DPP10: variants seen among roughly 807,000 people sequenced by gnomAD.
DPP10 encodes the protein inactive dipeptidyl peptidase 10.
In DPP10, 33 loss-of-function variants were observed where a neutral mutation model predicts 120.9. The observed-to-expected ratio is 0.27, with a 90% CI of 0.21 to 0.37. The LOEUF (loss-of-function observed/expected upper bound fraction) is 0.37, where lower values mean the gene tolerates loss of function less well. Ranked by LOEUF, DPP10 falls within the 10% of genes least tolerant of loss-of-function variation. The pLI is 1.00. For missense variants in DPP10, 816 were observed against 942.8 expected, an observed-to-expected ratio of 0.87 and a Z score of 1.76; for synonymous variants, 337 against 326.1, an observed-to-expected ratio of 1.03 and a Z score of -0.36.
intron 3 of DPP10, among the ~76,000 whole-genome samples, chr2:115,410,701 A>G (rs1435726730): frequency 6.6e-6 from 1 of 152,182 alleles, no homozygotes; most frequent in African/African-American, 2.4e-5. Flanking sequence ...ATAAAAGACT[A>G]CACATTGGGT....
intron 2 of DPP10, among the ~76,000 whole-genome samples, chr2:115,312,359 A>G (rs1447743149): frequency 6.6e-6 from 1 of 152,164 alleles, no homozygotes; most frequent in Non-Finnish European, 1.5e-5. Context: ...ATGGCAGTGT[A>G]GTCGCATGGC....
At chr2:114,589,835 T>C (rs1472663926) in intron 1 of DPP10, among the ~76,000 whole-genome samples, 1 of 152,120 alleles carries the variant, frequency 6.6e-6, no homozygotes, top group African/African-American at 2.4e-5. Flanking sequence ...CTCCAACCTC[T>C]TGGTGGTTGC....
intron 1 of DPP10, among the ~76,000 whole-genome samples, chr2:114,654,173 T>C (rs1019079408): frequency 5.3e-5 from 8 of 152,212 alleles, no homozygotes; most frequent in Non-Finnish European, 1.2e-4. Flanking sequence ...CTTCTGTACA[T>C]ACGAGTAAAC....
intron 1 of DPP10, among the ~76,000 whole-genome samples, chr2:114,712,639 C>T (rs541275564): frequency 6.6e-6 from 1 of 152,096 alleles, no homozygotes; most frequent in African/African-American, 2.4e-5. Flanking sequence ...AAAATGTATC[C>T]ATCATTTTAT....
Position 114,703,202 on chromosome 2 carries a change from C to T in DPP10, c.60+260364C>T, listed in dbSNP as rs1022365322. ...TTATTGACATAGAGTTTTACATTAA[C>T]GAAGCATTCTTTTTCAAAAAAAATA... is the stretch of plus-strand genomic sequence containing the variant. On this transcript the variant is annotated intron_variant, in intron 1 of 25. Coordinates refer to ENST00000410059, the MANE Select transcript of DPP10 (RefSeq NM_020868.6). 8.5e-5 allele frequency among the ~76,000 whole-genome samples: 13 copies of T among 152,128 alleles called. No homozygotes were observed. The South Asian group carries it at 1.5e-3, about 17-fold the overall frequency.
chr2:114,722,639 G>A (rs559068823), intron 1 of DPP10, among the ~76,000 whole-genome samples: 177 of 151,992 alleles, frequency 1.2e-3, no homozygotes, highest in Non-Finnish European at 2.0e-3. Context: ...AGCCGGGCGT[G>A]GTGGCGGGAG....
intron 1 of DPP10, among the ~76,000 whole-genome samples, chr2:114,596,728 C>T (rs1691940004): frequency 6.6e-6 from 1 of 151,722 alleles, no homozygotes; most frequent in South Asian, 2.1e-4. Context: ...AATGATAAAA[C>T]TGAGGCAGAG....
chr2:115,284,805 C>T (rs538526139), intron 1 of DPP10, among the ~76,000 whole-genome samples: 9 of 152,030 alleles, frequency 5.9e-5, no homozygotes, highest in Non-Finnish European at 1.3e-4. Context: ...GTTTTCAGTC[C>T]TTGTCAGATG....
intron 1 of DPP10, among the ~76,000 whole-genome samples, chr2:114,519,928 C>T (rs574364031): frequency 2.8e-4 from 43 of 152,248 alleles, no homozygotes; most frequent in Non-Finnish European, 4.9e-4. Flanking sequence ...TCATGTATTG[C>T]GATGGGGTTG....
chr2:114,690,997 A>T (rs1422681249), intron 1 of DPP10, among the ~76,000 whole-genome samples: 3 of 152,042 alleles, frequency 2.0e-5, no homozygotes, highest in Non-Finnish European at 4.4e-5. Flanking sequence ...TAAATATAGG[A>T]TCATGTCATC....
intron 1 of DPP10, among the ~76,000 whole-genome samples, chr2:115,288,589 G>C (rs190158645): frequency 3.9e-4 from 59 of 151,950 alleles, no homozygotes; most frequent in Non-Finnish European, 6.3e-4. Flanking sequence ...GGCCTGGTTG[G>C]GGGGGAGCCT....
At chr2:115,345,277 G>A in intron 3 of DPP10, among the ~76,000 whole-genome samples, 1 of 152,036 alleles carries the variant, frequency 6.6e-6, no homozygotes, top group East Asian at 1.9e-4. Context: ...ATAAATTTGA[G>A]GCTAGTCATA....
chr2:114,454,302 C>A (rs990158636), intron 1 of DPP10, among the ~76,000 whole-genome samples: 7 of 152,154 alleles, frequency 4.6e-5, no homozygotes, highest in African/African-American at 1.7e-4. Context: ...GTGCCCAAAC[C>A]ATGATGCTTT....
intron 1 of DPP10, among the ~76,000 whole-genome samples, chr2:114,884,402 C>T (rs934637417): frequency 3.3e-5 from 5 of 152,082 alleles, no homozygotes; most frequent in Admixed American, 3.3e-4. Context: ...TCTAAGGACT[C>T]CAGGGGAGAA....
chr2:114,608,395 G>A (rs1314322856), intron 1 of DPP10, among the ~76,000 whole-genome samples: 4 of 151,852 alleles, frequency 2.6e-5, no homozygotes, highest in Non-Finnish European at 4.4e-5. Flanking sequence ...AGTGTAGAAG[G>A]AGAGGGGTTT....
chr2:115,721,700 C>T (rs1559073298), intron 7 of DPP10, among the ~76,000 whole-genome samples: 1 of 152,056 alleles, frequency 6.6e-6, no homozygotes, highest in South Asian at 2.1e-4. Context: ...CATGAAAGTT[C>T]CTCAGTAAAT....
intron 1 of DPP10, among the ~76,000 whole-genome samples, chr2:114,599,343 T>C (rs530689685): frequency 6.6e-6 from 1 of 151,962 alleles, no homozygotes; most frequent in Non-Finnish European, 1.5e-5. Context: ...TATATTCTAT[T>C]TCTATTACTT....
intron 5 of DPP10, among the ~76,000 whole-genome samples, chr2:115,587,064 T>C (rs1420518789): frequency 6.6e-6 from 1 of 151,402 alleles, no homozygotes; most frequent in East Asian, 2.0e-4. Flanking sequence ...ACATTGTCCT[T>C]TTTTCTTTTC....
intron 2 of DPP10, among the ~76,000 whole-genome samples, chr2:115,342,859 G>A (rs1301518848): frequency 6.6e-6 from 1 of 152,074 alleles, no homozygotes; most frequent in African/African-American, 2.4e-5. Flanking sequence ...ATGTGAAAGG[G>A]AATTGCATTT....
Sources: allele counts gnomAD v4.1 joint callset (sites outside exome capture counted in the v4.1 genomes callset), GRCh38; gene constraint gnomAD v4.1.1; transcripts MANE v1.5; gene names NCBI Gene and HGNC (gene_info 2026-07-23, HGNC 2026-07-21).